Variants in CPNE3 observed in about 807,000 individuals in gnomAD.
CPNE3 encodes copine-3.
A neutral mutation model predicts 63.9 loss-of-function variants in CPNE3; 68 were observed. That is an observed-to-expected ratio of 1.06 (90% confidence interval 0.87 to 1.30). CPNE3 has a LOEUF of 1.30. Among genes scored for constraint, CPNE3 ranks in the 50% most tolerant of loss-of-function variants. The pLI is 0.00. For missense variants in CPNE3, 665 were observed against 578.1 expected, an observed-to-expected ratio of 1.15 and a Z score of -1.54; for synonymous variants, 219 against 197.5, an observed-to-expected ratio of 1.11 and a Z score of -0.91.
intron 2 of CPNE3, among the ~76,000 whole-genome samples, chr8:86,522,762 A>G (rs141376543): frequency 6.6e-6 from 1 of 152,114 alleles, no homozygotes; most frequent in East Asian, 1.9e-4. Context: ...AGAACCAGAA[A>G]GAACTTCTGA....
At chr8:86,553,074 G>A in intron 14 of CPNE3, among the ~76,000 whole-genome samples, 1 of 149,608 alleles carries the variant, frequency 6.7e-6, no homozygotes, top group Admixed American at 6.8e-5. Flanking sequence ...ATGTTGGCCA[G>A]GCTGGTCTAG....
chr8:86,523,788 G>A (rs1037883137), intron 2 of CPNE3, among the ~76,000 whole-genome samples: 1 of 152,164 alleles, frequency 6.6e-6, no homozygotes, highest in Admixed American at 6.5e-5. Flanking sequence ...GTTTCACCAT[G>A]TTGGCCAGGC....
intron 2 of CPNE3, among the ~76,000 whole-genome samples, chr8:86,518,764 A>T (rs903476878): frequency 3.4e-4 from 31 of 90,980 alleles, no homozygotes; most frequent in African/African-American, 1.1e-4. Context: ...TTCTTTTTTA[A>T]AAAAAAATAT....
chr8:86,527,316 G>A (rs1283514178), intron 2 of CPNE3, among the ~76,000 whole-genome samples: 1 of 152,142 alleles, frequency 6.6e-6, no homozygotes, highest in African/African-American at 2.4e-5. Context: ...TTTTCATGGT[G>A]ACACCTGCAG....
intron 8 of CPNE3, 73 bp from the exon 9 acceptor site, chr8:86,544,667 A>T: frequency 1.5e-6 from 1 of 684,816 alleles, no homozygotes; most frequent in African/African-American, 1.9e-5. Context: ...ATGATAGGTT[A>T]TATTTATTGC....
chr8:86,539,014 A>G (rs183472067), intron 7 of CPNE3, among the ~76,000 whole-genome samples: 1 of 152,326 alleles, frequency 6.6e-6, no homozygotes, highest in East Asian at 1.9e-4. Flanking sequence ...TATGGGTAGT[A>G]AAATAGTGAT....
rs779082648 is a variant in CPNE3, at chr8:86,546,612, A to G, written c.750A>G (p.Ile250Met). 7 of 1,613,542 alleles carry G rather than the reference A, an allele frequency of 4.3e-6. No homozygotes were observed. In the South Asian group the frequency reaches 7.7e-5, roughly 18 times the overall value. The stretch of plus-strand genomic sequence containing the variant: ...TCCTACAGGTTGAATTTGAATGCAT[A>G]AATGAGAAAAAAAGGCAAAAGAAAA... ...SRSSPVEFEC[I>M]NEKKRQKKKS... The change falls in exon 10 of 17, where the codon ATA becomes ATG. Residue 250 changes from isoleucine (I) to methionine (M), a missense_variant. Ile to Met is a conservative substitution (Grantham distance 10). Transcript: ENST00000517490.
intron 3 of CPNE3, 89 bp downstream of exon 3, chr8:86,528,766 A>C (rs899929799): frequency 5.4e-5 from 79 of 1,457,938 alleles, no homozygotes; most frequent in Non-Finnish European, 6.9e-5. Context: ...TAACAACACT[A>C]TCTCATCTGT....
At chr8:86,542,483 C>A (rs1820962279) in intron 8 of CPNE3, among the ~76,000 whole-genome samples, 1 of 151,854 alleles carries the variant, frequency 6.6e-6, no homozygotes, top group Non-Finnish European at 1.5e-5. Context: ...TACATATGCC[C>A]ATGTGTATAT....
chr8:86,532,389 A>G lies in CPNE3; in HGVS notation c.388-120A>G, dbSNP rs919295148. 9.8e-6 allele frequency: 6 copies of G among 610,762 alleles called. No homozygotes were observed. The African/African-American group carries it at 1.1e-4, about 12-fold the overall frequency. 37.8% of individuals were successfully genotyped at this position (610,762 alleles called of 1,614,324 possible). On this transcript the variant is annotated intron_variant, in intron 5 of 16. Coordinates refer to ENST00000517490, the MANE Select transcript of CPNE3 (RefSeq NM_003909.5). ...TAATGATGCCATTTTCTTATGAAAC[A>G]TTTTAGAATTCATTTATATTAGTGT... is the stretch of plus-strand genomic sequence containing the variant.
chr8:86,522,969 T>C (rs1404571177), intron 2 of CPNE3, among the ~76,000 whole-genome samples: 1 of 152,198 alleles, frequency 6.6e-6, no homozygotes, highest in Non-Finnish European at 1.5e-5. Flanking sequence ...ACCAAATTAA[T>C]TTTATGTAAA....
chr8:86,551,192 G>C lies in CPNE3; in HGVS notation c.1078G>C (p.Glu360Gln). 1 of 1,612,922 alleles carries C rather than the reference G, an allele frequency of 6.2e-7. No homozygotes were observed. Among genetic ancestry groups the C allele is most frequent in the Non-Finnish European group, 8.5e-7 (1 of 1,178,982 alleles). The change falls in exon 14 of 17, where the codon GAA becomes CAA. Residue 360 changes from glutamate (E) to glutamine (Q), a missense_variant. Coordinates refer to ENST00000517490, the MANE Select transcript of CPNE3 (RefSeq NM_003909.5). Reference sequence around the variant, plus strand: ...TGTCCATCTTTGACAGGTATCACATGAATTTCCAATGAACTTCAACCCATC... The same window carrying C: ...TGTCCATCTTTGACAGGTATCACATCAATTTCCAATGAACTTCAACCCATC... Reference protein sequence around the residue: ...QIPPQWQVSHEFPMNFNPSNP... With the variant: ...QIPPQWQVSHQFPMNFNPSNP...
chr8:86,540,352 A>G lies in CPNE3; in HGVS notation c.633+18A>G. ...CCATTAAGGTAAGTTGAAATTATAT[A>G]TATATAAAATACTTAAATATACCCA... On this transcript the variant is annotated intron_variant, in intron 8 of 16. Coordinates refer to ENST00000517490, the MANE Select transcript of CPNE3 (RefSeq NM_003909.5). 8.2e-7 allele frequency: 1 copy of G among 1,225,990 alleles called. No individual in the cohort carries two copies. Among genetic ancestry groups the G allele is most frequent in the Non-Finnish European group, 1.1e-6 (1 of 905,956 alleles). The allele number at this position is 1,225,990 out of a possible 1,614,324, so 75.9% of individuals were successfully genotyped here. A position where few individuals can be genotyped will look rare whatever the true frequency, so the allele number is the denominator to read the frequency against.
At chr8:86,542,864 A>G (rs986869396) in intron 8 of CPNE3, among the ~76,000 whole-genome samples, 6 of 152,002 alleles carry the variant, frequency 3.9e-5, no homozygotes, top group Non-Finnish European at 8.8e-5. Context: ...TATTATTTAC[A>G]TTTCCTGAAA....
intron 14 of CPNE3, 30 bp downstream of exon 14, chr8:86,551,264 A>T: frequency 7.0e-7 from 1 of 1,429,200 alleles, no homozygotes; most frequent in East Asian, 2.3e-5. Flanking sequence ...TGAAGACTTC[A>T]AATGGAAAGG....
In CPNE3 at chr8:86,528,871, A is replaced by G. The variant is rs181054885; in HGVS notation, c.133-74A>G. On this transcript the variant is annotated intron_variant, in intron 3 of 16. Transcript: ENST00000517490. ...AGTTGTCATGCCTATGTTTATGTTT[A>G]GTATATAAAGATGTGAAAATCCAAG... The G allele has an allele frequency of 6.7e-4, 922 of 1,375,950 alleles. 9 individuals are homozygous for G. In the African/African-American group the frequency reaches 0.012, roughly 17 times the overall value. 85.2% of individuals were successfully genotyped at this position (1,375,950 alleles called of 1,614,324 possible).
rs766556244 is a variant in CPNE3 at position 86,537,616 on chromosome 8, T to C, written c.513T>C (p.Asp171=). Reference sequence around the variant, plus strand: ...TGGAATTCCACAAGCAGACATCTGATGGAAACTGGCTAATGGTTCATCGGA... The same window carrying C: ...TGGAATTCCACAAGCAGACATCTGACGGAAACTGGCTAATGGTTCATCGGA... ...PYLEFHKQTS[D]GNWLMVHRTE... Residue 171 remains aspartate (D), a synonymous_variant, in exon 7 of 17, where the codon GAT becomes GAC. Coordinates refer to ENST00000517490, the MANE Select transcript of CPNE3 (RefSeq NM_003909.5). 1.2e-6 allele frequency: 2 copies of C among 1,609,316 alleles called. No homozygotes were observed. The highest frequency in any genetic ancestry group is 1.7e-5 in the Admixed American group (1 of 59,988).
intron 2 of CPNE3, among the ~76,000 whole-genome samples, chr8:86,520,398 A>T (rs570103901): frequency 7.1e-6 from 1 of 140,554 alleles, no homozygotes; most frequent in African/African-American, 2.5e-5. Context: ...TCTACTAAAA[A>T]TACAAAAATT....
intron 14 of CPNE3, among the ~76,000 whole-genome samples, chr8:86,553,005 A>C (rs1821227520): frequency 1.0e-5 from 1 of 96,092 alleles, no homozygotes; most frequent in South Asian, 4.2e-4. Flanking sequence ...CTGGGATTAC[A>C]GGCGCCTGCC....
Sources: allele counts gnomAD v4.1 joint callset (sites outside exome capture counted in the v4.1 genomes callset), GRCh38; gene constraint gnomAD v4.1.1; transcripts MANE v1.5; gene names NCBI Gene and HGNC (gene_info 2026-07-23, HGNC 2026-07-21).